AFF2: variants seen among roughly 807,000 people sequenced by gnomAD.
AFF2 encodes the protein ALF transcription elongation factor 2, also known as AF4/FMR2 family member 2.
A neutral mutation model predicts 76.9 loss-of-function variants in AFF2; 14 were observed. The ratio of observed to expected loss-of-function variants is 0.18; its 90% CI spans 0.12 to 0.28. The LOEUF (loss-of-function observed/expected upper bound fraction) is 0.28, where lower values mean the gene tolerates loss of function less well. AFF2 is among the 10% of genes least tolerant of loss of function. The pLI is 1.00. For synonymous variants in AFF2, 398 were observed against 366.7 expected, an observed-to-expected ratio of 1.09 and a Z score of -0.98; for missense variants, 868 against 1,001.1, an observed-to-expected ratio of 0.87 and a Z score of 1.79.
intron 20 of AFF2, 103 bp downstream of exon 20, chrX:148,987,660 C>T: frequency 1.4e-6 from 1 of 722,221 alleles, no homozygotes. Flanking sequence ...CTTTCTGTCT[C>T]TCTGATTTCC....
intron 3 of AFF2, among the ~76,000 whole-genome samples, chrX:148,807,165 CTT>C (rs1321054277): frequency 1.8e-5 from 2 of 112,142 alleles, no homozygotes; most frequent in African/African-American, 6.5e-5. Context: ...GTCCACAACT[CTT>C]TCTCTTCTGA....
chrX:148,985,137 A>C (rs1557291312), intron 19 of AFF2, among the ~76,000 whole-genome samples: 1 of 108,714 alleles, frequency 9.2e-6, no homozygotes, highest in African/African-American at 3.4e-5. Context: ...GGCGTGTGCC[A>C]CCATGCCCAG....
chrX:148,877,287 T>A (rs1557277999), intron 7 of AFF2, among the ~76,000 whole-genome samples: 1 of 112,052 alleles, frequency 8.9e-6, no homozygotes, highest in Non-Finnish European at 1.9e-5. Flanking sequence ...TAACAGGAGG[T>A]ACTCATACTC....
At chrX:148,829,374 A>G (rs1364527259) in intron 4 of AFF2, among the ~76,000 whole-genome samples, 4 of 111,927 alleles carry the variant, frequency 3.6e-5, no homozygotes, top group Non-Finnish European at 7.5e-5. Flanking sequence ...AGTTTTGACC[A>G]CTAGAAAAGC....
intron 2 of AFF2, among the ~76,000 whole-genome samples, chrX:148,652,988 G>T (rs2054216925): frequency 8.9e-6 from 1 of 111,803 alleles, no homozygotes; most frequent in Admixed American, 9.5e-5. Flanking sequence ...CCCTTTAAGG[G>T]ACAGTGACTT....
intron 1 of AFF2, among the ~76,000 whole-genome samples, chrX:148,536,564 A>T (rs966580267): frequency 8.9e-6 from 1 of 112,689 alleles, no homozygotes; most frequent in African/African-American, 3.2e-5. Flanking sequence ...ATATCTAGTA[A>T]TCATTTTATC....
chrX:148,983,221 TAAAA>T (rs1445097865), intron 19 of AFF2, among the ~76,000 whole-genome samples: 3 of 111,819 alleles, frequency 2.7e-5, no homozygotes, highest in African/African-American at 9.8e-5. Flanking sequence ...AGAGAGATAA[TAAAA>T]AGAAAGAAGC....
At chrX:148,665,327 A>G (rs1222971699) in intron 3 of AFF2, among the ~76,000 whole-genome samples, 2 of 112,305 alleles carry the variant, frequency 1.8e-5, no homozygotes, top group African/African-American at 6.5e-5. Flanking sequence ...TCCCAGGAGC[A>G]GCCTATGTGC....
intron 1 of AFF2, among the ~76,000 whole-genome samples, chrX:148,602,479 A>G (rs1031518825): frequency 9.1e-6 from 1 of 110,410 alleles, no homozygotes; most frequent in East Asian, 2.9e-4. Flanking sequence ...ATAGCGGAGG[A>G]TGAGAGAAGA....
chrX:148,758,315 C>T (rs1186194175), intron 3 of AFF2, among the ~76,000 whole-genome samples: 4 of 112,620 alleles, frequency 3.6e-5, no homozygotes, highest in Non-Finnish European at 5.6e-5. Flanking sequence ...CACAGAAACA[C>T]GTTTCTCAAA....
intron 2 of AFF2, among the ~76,000 whole-genome samples, chrX:148,654,505 G>T (rs368708445): frequency 1.7e-4 from 19 of 111,263 alleles, no homozygotes; most frequent in African/African-American, 6.2e-4. Flanking sequence ...TATATAAAGG[G>T]AAGCTTTTTA....
At chrX:148,903,677 C>T (rs1374842840) in intron 8 of AFF2, among the ~76,000 whole-genome samples, 1 of 111,629 alleles carries the variant, frequency 9.0e-6, no homozygotes, top group Non-Finnish European at 1.9e-5. Flanking sequence ...TTCAGTCATT[C>T]CTTGCCCTTC....
intron 1 of AFF2, among the ~76,000 whole-genome samples, chrX:148,648,063 GAGA>G (rs782064802): frequency 3.5e-4 from 39 of 112,180 alleles, no homozygotes; most frequent in South Asian, 1.5e-3. Flanking sequence ...CTGAGAGAAG[GAGA>G]AGGCTAGGAG....
intron 3 of AFF2, 120 bp from the exon 4 acceptor site, chrX:148,809,756 T>A (rs1346150702): frequency 1.4e-6 from 1 of 718,017 alleles, no homozygotes; most frequent in Non-Finnish European, 2.0e-6. Context: ...TTCTTTTGTA[T>A]TTAATAGGAA....
chrX:148,522,528 T>C (rs1368234176), intron 1 of AFF2, among the ~76,000 whole-genome samples: 2 of 112,542 alleles, frequency 1.8e-5, no homozygotes, highest in African/African-American at 6.5e-5. Flanking sequence ...GGGAACATGC[T>C]GTGGGAACCT....
chrX:148,852,398 T>TG (rs1471452613), intron 7 of AFF2, among the ~76,000 whole-genome samples: 5 of 107,473 alleles, frequency 4.7e-5, no homozygotes, highest in Non-Finnish European at 9.7e-5. Flanking sequence ...GGTTTTTTTT[T>TG]TTTTTTTTTT....
chrX:148,964,176 G>A (rs1469054799), intron 13 of AFF2, among the ~76,000 whole-genome samples: 2 of 112,226 alleles, frequency 1.8e-5, no homozygotes, highest in African/African-American at 3.2e-5. Flanking sequence ...GGACAGTATC[G>A]TAAATCAGAG....
At position 148,600,299 on chromosome X, in the gene AFF2, G is replaced by A. The variant is rs929847854; in HGVS notation, c.48-51700G>A. The stretch of plus-strand genomic sequence containing the variant: ...TGCTCATTGGCCCAAACAAGTAGGA[G>A]GACAGCTTGGCGAGACAGATGGAAA... On this transcript the variant is annotated intron_variant, in intron 1 of 20. Coordinates refer to ENST00000370460, the MANE Select transcript of AFF2 (RefSeq NM_002025.4). Among the ~76,000 whole-genome samples the A allele has an allele frequency of 2.7e-5, 3 of 111,409 alleles. No homozygotes were observed. In the Admixed American group the frequency reaches 2.9e-4, roughly 11 times the overall value.
chrX:148,655,266 G>C (rs1366072807), intron 2 of AFF2, among the ~76,000 whole-genome samples: 2 of 90,641 alleles, frequency 2.2e-5, no homozygotes, highest in African/African-American at 8.2e-5. Context: ...TGTGCTTCCT[G>C]ATGGGGAAAA....
Sources: gnomAD v4.1 joint callset for allele counts (sites outside exome capture counted in the v4.1 genomes callset) on GRCh38, gnomAD v4.1.1 for gene constraint, MANE v1.5 for transcripts, NCBI Gene and HGNC (gene_info 2026-07-23, HGNC 2026-07-21) for gene names.